CAMTA1: variants seen among roughly 807,000 people sequenced by gnomAD.
The protein encoded by CAMTA1 is calmodulin binding transcription activator 1.
A neutral mutation model predicts 170.9 loss-of-function variants in CAMTA1; 27 were observed. That is an observed-to-expected ratio of 0.16 (90% CI 0.12 to 0.22). The LOEUF (loss-of-function observed/expected upper bound fraction) is 0.22, where lower values mean the gene tolerates loss of function less well. CAMTA1 is among the 10% of genes least tolerant of loss of function. The pLI, the probability that CAMTA1 is intolerant of heterozygous loss-of-function variation, is 1.00. For missense variants in CAMTA1, 1,619 were observed against 2,217.2 expected, an observed-to-expected ratio of 0.73 and a Z score of 5.42; for synonymous variants, 833 against 891.5, an observed-to-expected ratio of 0.93 and a Z score of 1.17.
chr1:7,230,435 C>A lies in CAMTA1; in HGVS notation c.303-19056C>A, dbSNP rs866853937. 7.1e-4 allele frequency among the ~76,000 whole-genome samples: 52 copies of A among 72,920 alleles called. 2 individuals carry two copies. Among genetic ancestry groups the A allele is most frequent in the South Asian group, 1.1e-3 (2 of 1,770 alleles). The allele number at this position is 72,920 out of a possible 152,430, so 47.8% of individuals were successfully genotyped here. A position where few individuals can be genotyped will look rare whatever the true frequency, so the allele number is the denominator to read the frequency against. On this transcript the variant is annotated intron_variant, in intron 4 of 22. Coordinates refer to ENST00000303635, the MANE Select transcript of CAMTA1 (RefSeq NM_015215.4). ...GCTGGGCTGCTGCTCTGGGCTGACC[C>A]CCCCCCCCCGCCCCGCAAAGCTCTG...
chr1:7,746,633 A>ATTTTTC (rs1353811882), intron 18 of CAMTA1, among the ~76,000 whole-genome samples: 4 of 151,930 alleles, frequency 2.6e-5, no homozygotes, highest in African/African-American at 4.8e-5. Flanking sequence ...AACAATGCTG[A>ATTTTTC]TTTTTCTTTT....
intron 4 of CAMTA1, among the ~76,000 whole-genome samples, chr1:7,172,512 CA>C (rs763653978): frequency 2.0e-5 from 3 of 152,162 alleles, no homozygotes; most frequent in Non-Finnish European, 4.4e-5. Flanking sequence ...GCATGAACAA[CA>C]GCATGACAGG....
At position 6,971,060 on chromosome 1, in the gene CAMTA1, A is replaced by G. The variant is rs1413258475; in HGVS notation, c.235-120244A>G. On this transcript the variant is annotated intron_variant, in intron 3 of 22. Coordinates refer to ENST00000303635, the MANE Select transcript of CAMTA1 (RefSeq NM_015215.4). The surrounding 1 kb of genome is among the most constrained non-coding windows in gnomAD (Gnocchi z 4.6). ...GCTTTGGAAGCCCCTCTTCTTTCCA[A>G]AGGGGCTTGGCTTTCTGTCACCCAG... 6.6e-6 allele frequency among the ~76,000 whole-genome samples: 1 copy of G among 152,128 alleles called. No homozygotes were observed. The highest frequency in any genetic ancestry group is 2.4e-5 in the African/African-American group (1 of 41,414).
intron 21 of CAMTA1, among the ~76,000 whole-genome samples, chr1:7,753,074 C>G (rs1457055414): frequency 6.6e-6 from 1 of 152,194 alleles, no homozygotes; most frequent in African/African-American, 2.4e-5. Context: ...TGATGAGGAA[C>G]AGGAGAGATC....
chr1:7,460,949 G>A (rs539497206), intron 5 of CAMTA1, among the ~76,000 whole-genome samples: 26 of 152,274 alleles, frequency 1.7e-4, no homozygotes, highest in African/African-American at 5.8e-4. Flanking sequence ...CCAGCCTAAC[G>A]TGGTGCTCTC....
chr1:6,882,830 G>C (rs2149080775), intron 3 of CAMTA1, among the ~76,000 whole-genome samples: 1 of 152,224 alleles, frequency 6.6e-6, no homozygotes, highest in Non-Finnish European at 1.5e-5. Context: ...CAATGTTAAG[G>C]GGAAGCGGGT....
intron 4 of CAMTA1, among the ~76,000 whole-genome samples, chr1:7,115,737 C>T (rs890717373): frequency 1.3e-5 from 2 of 152,084 alleles, no homozygotes; most frequent in South Asian, 2.1e-4. Flanking sequence ...TGAAAACCAG[C>T]AGGCTTGAGA....
At chr1:7,281,939 C>G (rs1396117507) in intron 5 of CAMTA1, among the ~76,000 whole-genome samples, 1 of 152,012 alleles carries the variant, frequency 6.6e-6, no homozygotes. Flanking sequence ...CCATGTTCCT[C>G]CGCTTCTTGG....
chr1:6,902,627 C>T (rs1381686001), intron 3 of CAMTA1, among the ~76,000 whole-genome samples: 3 of 152,188 alleles, frequency 2.0e-5, no homozygotes, highest in South Asian at 4.1e-4. Flanking sequence ...TGTGGTTATG[C>T]AGCTCTGTTT....
chr1:6,810,349 G>T (rs1645017509), intron 1 of CAMTA1, among the ~76,000 whole-genome samples: 1 of 152,058 alleles, frequency 6.6e-6, no homozygotes, highest in Admixed American at 6.5e-5. Context: ...CTCAATTCCT[G>T]CCCCAGGGGC....
intron 4 of CAMTA1, among the ~76,000 whole-genome samples, chr1:7,117,103 T>C (rs1644379291): frequency 2.0e-5 from 3 of 151,956 alleles, no homozygotes; most frequent in Admixed American, 2.0e-4. Flanking sequence ...CCCAAGTAGC[T>C]GGGATTACAG....
chr1:7,609,231 T>A lies in CAMTA1; in HGVS notation c.511-31169T>A, dbSNP rs941723123. Among the ~76,000 whole-genome samples the A allele has an allele frequency of 1.3e-5, 2 of 152,032 alleles. No homozygotes were observed. The highest frequency in any genetic ancestry group is 1.3e-4 in the Admixed American group (2 of 15,268). On this transcript the variant is annotated intron_variant, in intron 6 of 22. Transcript: ENST00000303635. This position sits in a 1 kb window ranked among gnomAD's most constrained non-coding sequence, Gnocchi z 4.4. ...CGGCTTGCTCATCCTTGAGCCTGGGTTGGATTTTTTTTTAATGTTTAAAAA... is the reference window on the plus strand; with the variant it reads ...CGGCTTGCTCATCCTTGAGCCTGGGATGGATTTTTTTTTAATGTTTAAAAA...
intron 6 of CAMTA1, among the ~76,000 whole-genome samples, chr1:7,551,697 T>C (rs939965794): frequency 6.6e-6 from 1 of 152,198 alleles, no homozygotes; most frequent in Non-Finnish European, 1.5e-5. Context: ...CCCGTGGCCC[T>C]CAGAGCCTGT....
chr1:7,703,524 T>C (rs1251134107), intron 11 of CAMTA1, among the ~76,000 whole-genome samples: 1 of 152,100 alleles, frequency 6.6e-6, no homozygotes. Flanking sequence ...TAACCAGCGA[T>C]TCCTCATTGG....
chr1:6,982,571 C>A (rs1694617385), intron 3 of CAMTA1, among the ~76,000 whole-genome samples: 1 of 152,140 alleles, frequency 6.6e-6, no homozygotes, highest in South Asian at 2.1e-4. Flanking sequence ...CTCGGGAGGC[C>A]CTTAGCTACT....
At chr1:6,991,768 G>A (rs569808875) in intron 3 of CAMTA1, among the ~76,000 whole-genome samples, 7 of 152,086 alleles carry the variant, frequency 4.6e-5, no homozygotes, top group Non-Finnish European at 7.4e-5. Context: ...GAGTGATCTC[G>A]GTTTACTGCA....
At chr1:6,785,672 CGCGGGGGCGCGGCGG>C (rs945856050) in intron 1 of CAMTA1, 97 bp downstream of exon 1, 1 of 117,514 alleles carries the variant, frequency 8.5e-6, no homozygotes, top group Non-Finnish European at 1.2e-5. Context: ...CGGGCGGGAG[CGCGGGGGCGCGGCGG>C]GCGGGCGGGC....
intron 4 of CAMTA1, among the ~76,000 whole-genome samples, chr1:7,096,357 C>A (rs953970984): frequency 3.3e-5 from 5 of 152,166 alleles, no homozygotes; most frequent in Non-Finnish European, 5.9e-5. Context: ...CTCTTTCTTC[C>A]CACATTCTCC....
chr1:7,006,060 C>G (rs2100702457), intron 3 of CAMTA1, among the ~76,000 whole-genome samples: 1 of 152,200 alleles, frequency 6.6e-6, no homozygotes, highest in East Asian at 1.9e-4. Flanking sequence ...GATGGAGAAG[C>G]AGGGTGGGGT....
Sources: allele counts gnomAD v4.1 joint callset (sites outside exome capture counted in the v4.1 genomes callset), GRCh38; gene constraint gnomAD v4.1.1; non-coding constraint Gnocchi (gnomAD v3.1); transcripts MANE v1.5; gene names NCBI Gene and HGNC (gene_info 2026-07-23, HGNC 2026-07-21).